Variants in ZNF263 observed in about 807,000 individuals in gnomAD.
ZNF263 encodes zinc finger protein 263.
A neutral mutation model predicts 63.1 loss-of-function variants in ZNF263; 49 were observed. The ratio of observed to expected loss-of-function variants is 0.78; its 90% CI spans 0.62 to 0.99. ZNF263 has a LOEUF of 0.99. Ranked by LOEUF, ZNF263 falls within the 50% of genes least tolerant of loss-of-function variation. ZNF263 has a pLI of 0.00. For missense variants in ZNF263, 872 were observed against 854.8 expected (o/e 1.02, Z -0.25); for synonymous variants, 352 against 324.2 (o/e 1.09, Z -0.92).
intron 1 of ZNF263, among the ~76,000 whole-genome samples, chr16:3,284,759 A>G (rs537080049): frequency 6.6e-6 from 1 of 152,268 alleles, no homozygotes; most frequent in African/African-American, 2.4e-5. Flanking sequence ...GGCTACCCCA[A>G]TTTAGCCTAT....
At chr16:3,285,539 C>T (rs948214527) in intron 2 of ZNF263, 142 bp from the exon 3 acceptor site, 24 of 823,200 alleles carry the variant, frequency 2.9e-5, no homozygotes, top group Non-Finnish European at 4.4e-5. Context: ...TTTTGGATAT[C>T]AGCTGATTAG....
chr16:3,300,386 A>G, intron 2 of ZNF263: 1 of 1,614,126 alleles, frequency 6.2e-7, no homozygotes, highest in Non-Finnish European at 8.5e-7. Context: ...ACATCACCAT[A>G]TTTGGCTCCC....
chr16:3,288,570 G>A lies in ZNF263; in HGVS notation c.886G>A (p.Gly296Arg). The A allele has an allele frequency of 1.9e-6, 3 of 1,606,438 alleles. No homozygotes were observed. The highest frequency in any genetic ancestry group is 2.2e-5 in the South Asian group (2 of 90,594). ...CCTGAGCCCCAGAGGCCCAGCTCCAGGTAAGGAATGAAGACAAGTGGCCTG... is the reference window on the plus strand; with the variant it reads ...CCTGAGCCCCAGAGGCCCAGCTCCAAGTAAGGAATGAAGACAAGTGGCCTG... Reference protein sequence around the residue: ...EGLSPRGPAPGEEKFENLEGV... With the variant: ...EGLSPRGPAPREEKFENLEGV... The change falls in exon 5 of 6, where the codon GGA becomes AGA. Residue 296 changes from glycine (G) to arginine (R), a missense_variant and splice_region_variant. By Grantham distance (125) the Gly-to-Arg change is moderately radical. Transcript: ENST00000219069.
intron 2 of ZNF263, 118 bp from the exon 3 acceptor site, chr16:3,285,563 T>A: frequency 9.7e-7 from 1 of 1,032,066 alleles, no homozygotes. Flanking sequence ...TCTGTGCAGT[T>A]TAGCGTCATT....
intron 1 of ZNF263, among the ~76,000 whole-genome samples, chr16:3,298,197 G>A (rs1379246668): frequency 1.3e-5 from 2 of 152,172 alleles, no homozygotes; most frequent in Non-Finnish European, 2.9e-5. Context: ...CCTGAGCTTT[G>A]GCATTAAACA....
chr16:3,290,619 A>G lies in ZNF263; in HGVS notation c.*61A>G, dbSNP rs369923879. 6.5e-7 allele frequency: 1 copy of G among 1,528,172 alleles called. No individual in the cohort carries two copies. Among genetic ancestry groups the G allele is most frequent in the South Asian group, 1.3e-5 (1 of 77,334 alleles). The allele number at this position is 1,528,172 out of a possible 1,614,324, so 94.7% of individuals were successfully genotyped here. On this transcript the variant is annotated 3_prime_UTR_variant, in exon 6 of 6. Transcript: ENST00000219069. ...GCATATTCAGAGGAGCCTGTTGGCA[A>G]GAGCTGGTATTCCCTGCCCAGCCGA...
chr16:3,299,324 C>T, intron 2 of ZNF263: 1 of 1,598,188 alleles, frequency 6.3e-7, no homozygotes, highest in Non-Finnish European at 8.5e-7. Context: ...AACTTAGTTT[C>T]CAACTCCCCA....
chr16:3,295,027 A>G (rs1037892133), downstream of ZNF263, among the ~76,000 whole-genome samples: 2 of 152,144 alleles, frequency 1.3e-5, no homozygotes, highest in Admixed American at 1.3e-4. Context: ...GCCTCCCGGC[A>G]GGAGTCCAGC....
chr16:3,288,653 G>T, intron 5 of ZNF263, 83 bp downstream of exon 5: 1 of 1,062,646 alleles, frequency 9.4e-7, no homozygotes, highest in Non-Finnish European at 1.4e-6. Flanking sequence ...GTTTTGTTTT[G>T]TTTTGTTTTG....
chr16:3,290,216 A>G lies in ZNF263; in HGVS notation c.1710A>G (p.Ala570=). ...PFLTNHGAHK[A]EKKLFECLTC... is the part of the protein sequence containing the mutation. Reference sequence around the variant, plus strand: ...TTACAAACCATGGAGCCCATAAGGCAGAGAAGAAGCTCTTTGAATGTTTGA... The same window carrying G: ...TTACAAACCATGGAGCCCATAAGGCGGAGAAGAAGCTCTTTGAATGTTTGA... Residue 570 remains alanine (A), a synonymous_variant, in exon 6 of 6, where the codon GCA becomes GCG. Transcript: ENST00000219069. 1 of 1,614,218 alleles carries G rather than the reference A, an allele frequency of 6.2e-7. No homozygotes were observed. Among genetic ancestry groups the G allele is most frequent in the Non-Finnish European group, 8.5e-7 (1 of 1,180,044 alleles).
chr16:3,285,724 C>A lies in ZNF263; in HGVS notation c.612C>A (p.Asn204Lys). The A allele has an allele frequency of 6.2e-7, 1 of 1,614,160 alleles. No homozygotes were observed. Among genetic ancestry groups the A allele is most frequent in the Non-Finnish European group, 8.5e-7 (1 of 1,180,044 alleles). The change falls in exon 3 of 6, where the codon AAC becomes AAA. Residue 204 changes from asparagine to lysine, a missense_variant. Asn to Lys is a moderately conservative substitution (Grantham distance 94). Transcript: ENST00000219069. ...TTTCTCTTTTTCCTCCTGAAGGGAA[C>A]ATGGAAGACAAGGAGATGACTGGGC... ...PWLSLFPPEG[N>K]MEDKEMTGPQ...
intron 1 of ZNF263, among the ~76,000 whole-genome samples, chr16:3,284,563 T>C (rs1307398830): frequency 6.6e-6 from 1 of 152,238 alleles, no homozygotes; most frequent in African/African-American, 2.4e-5. Context: ...TAACATACTT[T>C]CTAGGGCTTA....
At position 3,290,130 on chromosome 16, in the gene ZNF263, A is replaced by G; in HGVS notation, c.1624A>G (p.Arg542Gly). ...HLVIHERTHE[R>G]ERLYPFSECG... is the part of the protein sequence containing the mutation. ...CGTCATTCACGAAAGAACTCATGAGAGAGAGAGACTTTACCCCTTCTCTGA... is the reference window on the plus strand; with the variant it reads ...CGTCATTCACGAAAGAACTCATGAGGGAGAGAGACTTTACCCCTTCTCTGA... Residue 542 changes from arginine to glycine, a missense_variant, in exon 6 of 6, where the codon AGA (arginine) becomes GGA (glycine). Coordinates refer to ENST00000219069, the MANE Select transcript of ZNF263 (RefSeq NM_005741.5). 1 of 1,613,936 alleles carries G rather than the reference A, an allele frequency of 6.2e-7. No homozygotes were observed. Among genetic ancestry groups the G allele is most frequent in the East Asian group, 2.2e-5 (1 of 44,834 alleles).
intron 1 of ZNF263, 41 bp from the exon 2 acceptor site, chr16:3,285,018 G>T (rs201325219): frequency 2.5e-6 from 4 of 1,607,066 alleles, no homozygotes; most frequent in Non-Finnish European, 3.4e-6. Flanking sequence ...CCTTCCTCTT[G>T]GGCCCTGTTG....
downstream of ZNF263, among the ~76,000 whole-genome samples, chr16:3,291,943 A>G (rs1314322700): frequency 2.0e-5 from 3 of 152,076 alleles, no homozygotes; most frequent in African/African-American, 7.2e-5. Flanking sequence ...AAAGCATTAT[A>G]TTTATTTTTT....
intron 2 of ZNF263, chr16:3,300,600 C>G: frequency 1.9e-6 from 3 of 1,581,608 alleles, no homozygotes; most frequent in Non-Finnish European, 2.6e-6. Context: ...TTGTATATTT[C>G]CCTCTCTTAT....
intron 2 of ZNF263, chr16:3,300,662 C>A: frequency 5.3e-6 from 8 of 1,522,612 alleles, no homozygotes; most frequent in Non-Finnish European, 7.0e-6. Context: ...AAGGGAAAAG[C>A]CTTAATGAAT....
At position 3,285,240 on chromosome 16, in the gene ZNF263, G is replaced by C; in HGVS notation, c.568+1G>C. Reference sequence around the variant, plus strand: ...GACCCCCAGGCTGTAAAGGAGAGGGGTGAGGCACAGTTATCTGGGCAGGTG... The same window carrying C: ...GACCCCCAGGCTGTAAAGGAGAGGGCTGAGGCACAGTTATCTGGGCAGGTG... On this transcript the variant is annotated splice_donor_variant, in intron 2 of 5. Coordinates refer to ENST00000219069, the MANE Select transcript of ZNF263 (RefSeq NM_005741.5). LOFTEE classifies it high-confidence loss of function. The C allele has an allele frequency of 6.2e-7, 1 of 1,609,272 alleles. No homozygotes were observed. The highest frequency in any genetic ancestry group is 8.5e-7 in the Non-Finnish European group (1 of 1,177,430).
Position 3,284,046 on chromosome 16 carries a change from G to A in ZNF263, c.228G>A (p.Thr76=), listed in dbSNP as rs776185407. 4.3e-6 allele frequency: 7 copies of A among 1,613,772 alleles called. No homozygotes were observed. The highest frequency in any genetic ancestry group is 5.9e-6 in the Non-Finnish European group (7 of 1,179,834). ...GGTGGCTTCGGCCTGAGATGCGCACGAAGGAGCAGATCTTGGAGCTGCTGG... is the reference window on the plus strand; with the variant it reads ...GGTGGCTTCGGCCTGAGATGCGCACAAAGGAGCAGATCTTGGAGCTGCTGG... The part of the protein sequence containing the change: ...CHGWLRPEMR[T]KEQILELLVL... Residue 76 remains threonine (T), a synonymous_variant, in exon 1 of 6, where the codon ACG becomes ACA. Transcript: ENST00000219069.
Sources: allele counts gnomAD v4.1 joint callset (sites outside exome capture counted in the v4.1 genomes callset), GRCh38; gene constraint gnomAD v4.1.1; transcripts MANE v1.5; gene names NCBI Gene and HGNC (gene_info 2026-07-23, HGNC 2026-07-21).